Variants in GSS observed in about 807,000 individuals in gnomAD.
GSS encodes glutathione synthetase.
In GSS, 34 loss-of-function variants were observed where a neutral mutation model predicts 60.4. That is an observed-to-expected ratio of 0.56 (90% CI 0.43 to 0.75). The LOEUF is 0.75. GSS is among the 30% of genes least tolerant of loss of function. The pLI, the probability that GSS is intolerant of heterozygous loss-of-function variation, is 0.00. For missense variants in GSS, 499 were observed against 595.1 expected (o/e 0.84, Z 1.68); for synonymous variants, 224 against 239.0 (o/e 0.94, Z 0.58).
At chr20:34,952,471 G>C (rs1304819234) in intron 1 of GSS, among the ~76,000 whole-genome samples, 1 of 151,774 alleles carries the variant, frequency 6.6e-6, no homozygotes, top group African/African-American at 2.4e-5. Context: ...GTCTCACTCA[G>C]TCGCCTAGGC....
chr20:34,939,673 GTTT>G (rs554476299), intron 6 of GSS, among the ~76,000 whole-genome samples: 1 of 138,164 alleles, frequency 7.2e-6, no homozygotes. Flanking sequence ...TTTGTTTTTT[GTTT>G]TTTTTTTTTT....
At chr20:34,943,058 C>T in intron 3 of GSS, 52 bp from the exon 4 acceptor site, 1 of 1,196,398 alleles carries the variant, frequency 8.4e-7, no homozygotes, top group Non-Finnish European at 1.2e-6. Flanking sequence ...CCTAAAATTT[C>T]AAGGAGTCCC....
rs752823603 is a variant in GSS at position 34,942,646 on chromosome 20, G to T, written c.352-19C>A. 8.7e-6 allele frequency: 14 copies of T among 1,613,406 alleles called. No individual in the cohort carries two copies. In the South Asian group the frequency reaches 1.5e-4, roughly 18 times the overall value. Reference sequence around the variant, plus strand: ...ACACAGTCTGTGGGGAAAACTGAAGGCTGACAGTACCTGCCCAGGGACTGA... The same window carrying T: ...ACACAGTCTGTGGGGAAAACTGAAGTCTGACAGTACCTGCCCAGGGACTGA... On this transcript the variant is annotated intron_variant, in intron 4 of 12. Coordinates refer to ENST00000651619, the MANE Select transcript of GSS (RefSeq NM_000178.4).
chr20:34,945,911 C>T (rs1333146717), intron 3 of GSS, 42 bp downstream of exon 3: 1 of 1,607,774 alleles, frequency 6.2e-7, no homozygotes, highest in Admixed American at 1.7e-5. Flanking sequence ...AGTTCCTTGG[C>T]TCTGGCAGCT....
At chr20:34,955,891 A>G (rs34293667), upstream of GSS, 1 of 152,378 alleles carries the variant, frequency 6.6e-6, no homozygotes, top group African/African-American at 2.4e-5. Flanking sequence ...AGTCGAGGCC[A>G]GGAAGGGGCG....
At chr20:34,943,616 C>G (rs1015805735) in intron 3 of GSS, among the ~76,000 whole-genome samples, 1 of 152,186 alleles carries the variant, frequency 6.6e-6, no homozygotes, top group African/African-American at 2.4e-5. Context: ...AACTAGTCCT[C>G]ATATGATGTG....
Position 34,932,022 on chromosome 20 carries a change from T to G in GSS, c.946A>C (p.Met316Leu). The G allele has an allele frequency of 6.2e-7, 1 of 1,614,188 alleles. No homozygotes were observed. Among genetic ancestry groups the G allele is most frequent in the Non-Finnish European group, 8.5e-7 (1 of 1,179,986 alleles). The change falls in exon 10 of 13, where the codon ATG (methionine) becomes CTG (leucine). Residue 316 changes from methionine to leucine, a missense_variant. Transcript: ENST00000651619. ...KVQQELSRPG[M>L]LEMLLPGQPE... ...TGGCCAGGGAGCAACATCTCCAGCA[T>G]GCCCGGCCTGCTTAGCTCCTGCTGC...
At chr20:34,931,498 C>T in intron 10 of GSS, 81 bp from the exon 11 acceptor site, 1 of 1,107,464 alleles carries the variant, frequency 9.0e-7, no homozygotes, top group Non-Finnish European at 1.4e-6. Context: ...TTATGCAGAG[C>T]AGCATCAGAG....
intron 1 of GSS, among the ~76,000 whole-genome samples, chr20:34,954,050 A>C (rs1335809042): frequency 6.6e-6 from 1 of 152,250 alleles, no homozygotes; most frequent in Non-Finnish European, 1.5e-5. Context: ...GTCAGAGGTC[A>C]CACAGAAGCC....
chr20:34,928,872 C>G lies in GSS; in HGVS notation c.1381G>C (p.Val461Leu). 1.2e-6 allele frequency: 2 copies of G among 1,614,084 alleles called. No individual in the cohort carries two copies. The highest frequency in any genetic ancestry group is 1.7e-6 in the Non-Finnish European group (2 of 1,180,034). The change falls in exon 13 of 13, where the codon GTG (valine) becomes CTG (leucine). Residue 461 changes from valine to leucine, a missense_variant. Transcript: ENST00000651619. ...TKAIEHADGGVAAGVAVLDNP... is the reference protein window; with the variant it reads ...TKAIEHADGGLAAGVAVLDNP... ...TCCAGGACTGCCACTCCCGCTGCCA[C>G]ACCACCATCTGCATGCTCGATGGCT...
At chr20:34,931,257 AGAGT>A in intron 11 of GSS, 75 bp downstream of exon 11, 1 of 1,116,136 alleles carries the variant, frequency 9.0e-7, no homozygotes, top group South Asian at 1.2e-5. Flanking sequence ...GACTGTGCCC[AGAGT>A]AAGTGCCAAT....
chr20:34,954,276 C>T (rs1451693088), intron 1 of GSS: 1 of 152,228 alleles, frequency 6.6e-6, no homozygotes, highest in African/African-American at 2.4e-5. Flanking sequence ...CACCATGGGC[C>T]AGGTGTGGTG....
At chr20:34,937,253 TCTGACC>T (rs1330597105) in intron 6 of GSS, among the ~76,000 whole-genome samples, 4 of 152,218 alleles carry the variant, frequency 2.6e-5, no homozygotes, top group Admixed American at 2.0e-4. Flanking sequence ...TGAAGATGCC[TCTGACC>T]CTTCTCCAGT....
At chr20:34,929,356 C>T in intron 12 of GSS, 45 bp downstream of exon 12, 1 of 1,526,230 alleles carries the variant, frequency 6.6e-7, no homozygotes, top group Non-Finnish European at 9.1e-7. Context: ...TTGGCTGGCA[C>T]TCTTGCAAGC....
intron 4 of GSS, 24 bp from the exon 5 acceptor site, chr20:34,942,651 C>A: frequency 6.2e-7 from 1 of 1,613,182 alleles, no homozygotes; most frequent in South Asian, 1.1e-5. Flanking sequence ...TGAAGGCTGA[C>A]AGTACCTGCC....
intron 2 of GSS, chr20:34,950,013 T>A (rs56142835): frequency 0.089 from 11,075 of 124,848 alleles, 790 homozygotes; most frequent in South Asian, 0.13. Flanking sequence ...TCTCTCTCTC[T>A]CACACACACA....
At chr20:34,945,644 A>C (rs1290215129) in intron 3 of GSS, among the ~76,000 whole-genome samples, 1 of 150,198 alleles carries the variant, frequency 6.7e-6, no homozygotes, top group Non-Finnish European at 1.5e-5. Context: ...TCAGTCTTCA[A>C]AGTAGGGTGT....
At chr20:34,945,817 T>A in intron 3 of GSS, 136 bp downstream of exon 3, 1 of 897,678 alleles carries the variant, frequency 1.1e-6, no homozygotes, top group Non-Finnish European at 1.8e-6. Flanking sequence ...CTGACTCCTA[T>A]GACTTTTTGT....
intron 11 of GSS, 150 bp downstream of exon 11, chr20:34,931,186 C>T (rs913696814): frequency 5.5e-6 from 4 of 732,700 alleles, no homozygotes; most frequent in South Asian, 1.5e-5. Flanking sequence ...GTCACAGGGT[C>T]TTAGGGGACA....
Sources: gnomAD v4.1 joint callset for allele counts (sites outside exome capture counted in the v4.1 genomes callset) on GRCh38, gnomAD v4.1.1 for gene constraint, MANE v1.5 for transcripts, NCBI Gene and HGNC (gene_info 2026-07-23, HGNC 2026-07-21) for gene names.